ADAMTSL3: variants seen among roughly 807,000 people sequenced by gnomAD.
The protein encoded by ADAMTSL3 is ADAMTS like 3.
Under a neutral mutation model 201.7 loss-of-function variants are expected in ADAMTSL3, and 128 were observed. That is an observed-to-expected ratio of 0.63 (90% CI 0.55 to 0.73). The LOEUF is 0.73. ADAMTSL3 is among the 30% of genes least tolerant of loss of function. The pLI is 0.00. For missense variants in ADAMTSL3, 1,990 were observed against 2,119.6 expected (o/e 0.94, Z 1.20); for synonymous variants, 738 against 748.4 (o/e 0.99, Z 0.23).
At chr15:83,800,264 G>A (rs1163808870) in intron 4 of ADAMTSL3, among the ~76,000 whole-genome samples, 1 of 152,150 alleles carries the variant, frequency 6.6e-6, no homozygotes, top group Admixed American at 6.6e-5. Flanking sequence ...ATTATGTTTT[G>A]AAAATTCGTG....
intron 4 of ADAMTSL3, among the ~76,000 whole-genome samples, chr15:83,774,214 G>A (rs1043877407): frequency 6.6e-6 from 1 of 152,148 alleles, no homozygotes; most frequent in Non-Finnish European, 1.5e-5. Context: ...CAAGGATTTT[G>A]CATCAGCTCT....
chr15:83,933,611 G>A (rs779286860), intron 17 of ADAMTSL3, among the ~76,000 whole-genome samples: 1 of 152,208 alleles, frequency 6.6e-6, no homozygotes, highest in Non-Finnish European at 1.5e-5. Flanking sequence ...GTAACAAGGA[G>A]CCAAATGTTA....
At chr15:83,710,036 C>G (rs534158055) in intron 3 of ADAMTSL3, among the ~76,000 whole-genome samples, 1 of 152,186 alleles carries the variant, frequency 6.6e-6, no homozygotes, top group South Asian at 2.1e-4. Context: ...TACTAGGCAC[C>G]AAAAGGCAGG....
chr15:83,944,898 C>T (rs1157710938), intron 19 of ADAMTSL3, among the ~76,000 whole-genome samples: 7 of 152,134 alleles, frequency 4.6e-5, no homozygotes, highest in Admixed American at 4.6e-4. Flanking sequence ...CTTCCCATTG[C>T]CCTTGATAGA....
intron 8 of ADAMTSL3, among the ~76,000 whole-genome samples, chr15:83,869,339 A>G (rs1380037905): frequency 6.6e-6 from 1 of 152,178 alleles, no homozygotes. Flanking sequence ...CATTGGAACT[A>G]GGAAATGAAT....
chr15:83,953,420 GA>G (rs1394563659), intron 19 of ADAMTSL3, among the ~76,000 whole-genome samples: 4 of 152,030 alleles, frequency 2.6e-5, no homozygotes, highest in African/African-American at 9.7e-5. Context: ...GAAAACTAAT[GA>G]AAACTCTATA....
In ADAMTSL3 at chr15:83,885,228, T is replaced by C; in HGVS notation, c.1072+16T>C. ...TGTGGAGGAGGTGAGGCCCAGGCTT[T>C]GTTCATGAATATTTAGAGCTCAGAG... On this transcript the variant is annotated intron_variant, in intron 10 of 29. Coordinates refer to ENST00000286744, the MANE Select transcript of ADAMTSL3 (RefSeq NM_207517.3). The C allele has an allele frequency of 1.3e-6, 2 of 1,565,808 alleles. No homozygotes were observed. Among genetic ancestry groups the C allele is most frequent in the Non-Finnish European group, 1.8e-6 (2 of 1,137,088 alleles).
Position 83,970,653 on chromosome 15 carries a change from C to A in ADAMTSL3, c.2644+16C>A. 2 of 1,612,656 alleles carry A rather than the reference C, an allele frequency of 1.2e-6. No individual in the cohort carries two copies. Among genetic ancestry groups the A allele is most frequent in the South Asian group, 1.1e-5 (1 of 90,872 alleles). ...GAGTGCAGTAGTAAGTATGCGGTGT[C>A]CGCGCTTCACCAAGATATGCTGATT... On this transcript the variant is annotated intron_variant, in intron 20 of 29. Transcript: ENST00000286744.
chr15:84,027,174 A>G (rs964252402), intron 27 of ADAMTSL3, among the ~76,000 whole-genome samples: 1 of 152,230 alleles, frequency 6.6e-6, no homozygotes, highest in Non-Finnish European at 1.5e-5. Context: ...CAAAACCACA[A>G]TAAGATACAA....
At chr15:83,925,347 A>G (rs1285184156) in intron 17 of ADAMTSL3, among the ~76,000 whole-genome samples, 1 of 152,218 alleles carries the variant, frequency 6.6e-6, no homozygotes, top group Non-Finnish European at 1.5e-5. Flanking sequence ...TGAGACCTAC[A>G]GAAGTACTGG....
chr15:83,724,567 C>T (rs1273026587), intron 3 of ADAMTSL3, among the ~76,000 whole-genome samples: 2 of 152,060 alleles, frequency 1.3e-5, no homozygotes, highest in East Asian at 1.9e-4. Context: ...ATTATACTCT[C>T]AGTTATTTTA....
chr15:83,754,028 C>T (rs1291351033), intron 3 of ADAMTSL3, among the ~76,000 whole-genome samples: 1 of 152,188 alleles, frequency 6.6e-6, no homozygotes, highest in African/African-American at 2.4e-5. Context: ...CACACATCCT[C>T]TAGAAAGAAC....
intron 3 of ADAMTSL3, among the ~76,000 whole-genome samples, chr15:83,746,630 A>T (rs1596131620): frequency 6.6e-6 from 1 of 152,284 alleles, no homozygotes; most frequent in East Asian, 1.9e-4. Context: ...TGATATTTAC[A>T]ATGATAGTTA....
chr15:83,763,598 G>A lies in ADAMTSL3; in HGVS notation c.190-9925G>A, dbSNP rs190193373. ...CGGCTCACTGCAAGCTCTGCCTCCC[G>A]GGTTCACGCCATTCTCCGGCCTCAG... On this transcript the variant is annotated intron_variant, in intron 3 of 29. Coordinates refer to ENST00000286744, the MANE Select transcript of ADAMTSL3 (RefSeq NM_207517.3). 2.0e-3 allele frequency among the ~76,000 whole-genome samples: 304 copies of A among 150,248 alleles called. 3 individuals carry two copies. Among genetic ancestry groups the A allele is most frequent in the African/African-American group, 6.7e-3 (272 of 40,706 alleles).
chr15:83,813,007 C>T (rs1250732310), intron 5 of ADAMTSL3, among the ~76,000 whole-genome samples: 1 of 152,166 alleles, frequency 6.6e-6, no homozygotes, highest in Non-Finnish European at 1.5e-5. Flanking sequence ...CTACACTGTA[C>T]AAGAGTATGG....
At chr15:83,826,611 T>A (rs2064028149) in intron 6 of ADAMTSL3, among the ~76,000 whole-genome samples, 2 of 151,658 alleles carry the variant, frequency 1.3e-5, no homozygotes, top group Non-Finnish European at 2.9e-5. Context: ...GCTGCACCCA[T>A]TAACTCGTCA....
intron 6 of ADAMTSL3, among the ~76,000 whole-genome samples, chr15:83,825,887 C>G (rs956619205): frequency 2.0e-5 from 3 of 152,038 alleles, no homozygotes; most frequent in African/African-American, 7.2e-5. Context: ...GGTGGGAAAC[C>G]AATCATTAAC....
chr15:83,884,338 C>CTTTTTT (rs35308485), intron 9 of ADAMTSL3, among the ~76,000 whole-genome samples: 1 of 114,486 alleles, frequency 8.7e-6, no homozygotes, highest in Non-Finnish European at 1.7e-5. Flanking sequence ...GCCCTATTTC[C>CTTTTTT]TTTTTTTTTT....
chr15:83,816,668 C>G (rs893635027), intron 5 of ADAMTSL3, among the ~76,000 whole-genome samples: 2 of 152,156 alleles, frequency 1.3e-5, no homozygotes, highest in Non-Finnish European at 2.9e-5. Context: ...AACTGATGAT[C>G]CTTCCTATGG....
Sources: gnomAD v4.1 joint callset for allele counts (sites outside exome capture counted in the v4.1 genomes callset) on GRCh38, gnomAD v4.1.1 for gene constraint, MANE v1.5 for transcripts, NCBI Gene and HGNC (gene_info 2026-07-23, HGNC 2026-07-21) for gene names.